Variants in PARD3B observed in about 807,000 individuals in gnomAD.
PARD3B encodes partitioning defective 3 homolog B.
A neutral mutation model predicts 130.2 loss-of-function variants in PARD3B; 103 were observed. The ratio of observed to expected loss-of-function variants is 0.79; its 90% confidence interval spans 0.67 to 0.93. PARD3B has a LOEUF of 0.93. Among genes scored for constraint, PARD3B ranks in the 40% least tolerant of loss-of-function variants. PARD3B has a pLI of 0.00. For missense variants in PARD3B, 1,609 were observed against 1,499.2 expected, an observed-to-expected ratio of 1.07 and a Z score of -1.21; for synonymous variants, 583 against 553.2, an observed-to-expected ratio of 1.05 and a Z score of -0.76.
intron 22 of PARD3B, among the ~76,000 whole-genome samples, chr2:205,607,879 C>CAG (rs1553560830): frequency 1.4e-5 from 2 of 147,428 alleles, no homozygotes; most frequent in Non-Finnish European, 3.0e-5. Context: ...CACACACACA[C>CAG]AGAGGCATGA....
intron 1 of PARD3B, among the ~76,000 whole-genome samples, chr2:204,609,138 G>C (rs1000919867): frequency 3.9e-5 from 6 of 152,196 alleles, no homozygotes; most frequent in Non-Finnish European, 8.8e-5. Flanking sequence ...TTTCTCAGTA[G>C]ATATTTGGAT....
chr2:205,300,676 A>G lies in PARD3B; in HGVS notation c.2332A>G (p.Asn778Asp), dbSNP rs954516454. The G allele has an allele frequency of 6.2e-7, 1 of 1,614,026 alleles. No homozygotes were observed. The highest frequency in any genetic ancestry group is 8.5e-7 in the Non-Finnish European group (1 of 1,180,010). The part of the protein sequence containing the change: ...RPHMVRGRGC[N>D]ESFRAAIDKS... ...GCACATGGTTCGAGGCCGAGGCTGC[A>G]ATGAGAGCTTTAGAGCAGCCATTGA... The change falls in exon 17 of 23, where the codon AAT becomes GAT. Residue 778 changes from asparagine (N) to aspartate (D), a missense_variant. Asn to Asp is a conservative substitution (Grantham distance 23). Transcript: ENST00000406610. This position sits in a 1 kb window ranked among gnomAD's most constrained non-coding sequence, Gnocchi z 4.1.
intron 2 of PARD3B, among the ~76,000 whole-genome samples, chr2:204,876,297 A>G (rs1302963777): frequency 2.0e-5 from 3 of 152,254 alleles, no homozygotes; most frequent in Non-Finnish European, 2.9e-5. Flanking sequence ...CTTCAACTGA[A>G]TCAACGCTTG....
chr2:204,826,534 A>C (rs1328326015), intron 2 of PARD3B, among the ~76,000 whole-genome samples: 1 of 152,174 alleles, frequency 6.6e-6, no homozygotes, highest in Non-Finnish European at 1.5e-5. Flanking sequence ...AGATATTCAG[A>C]TATTTATTGT....
At chr2:204,988,838 G>A (rs1419509471) in intron 3 of PARD3B, among the ~76,000 whole-genome samples, 1 of 152,186 alleles carries the variant, frequency 6.6e-6, no homozygotes, top group Non-Finnish European at 1.5e-5. Context: ...TAGGGTGACA[G>A]TTAAATGCTG....
At chr2:205,055,857 T>G in intron 4 of PARD3B, among the ~76,000 whole-genome samples, 1 of 152,152 alleles carries the variant, frequency 6.6e-6, no homozygotes, top group Non-Finnish European at 1.5e-5. Flanking sequence ...CAAGAAATAT[T>G]TTTTAAATGC....
chr2:205,366,357 C>T lies in PARD3B; in HGVS notation c.2631-34656C>T, dbSNP rs2044609823. Among the ~76,000 whole-genome samples the T allele has an allele frequency of 6.6e-6, 1 of 152,190 alleles. No homozygotes were observed. Among genetic ancestry groups the T allele is most frequent in the East Asian group, 1.9e-4 (1 of 5,182 alleles). On this transcript the variant is annotated intron_variant, in intron 18 of 22. Transcript: ENST00000406610. The surrounding 1 kb of genome is among the most constrained non-coding windows in gnomAD (Gnocchi z 5.0). ...CAGCTCTCAAATTTGCTGTGCAGTG[C>T]TTACATGGACAGAGGTAAAGAATTT...
chr2:204,618,677 G>T (rs578087303), intron 1 of PARD3B, among the ~76,000 whole-genome samples: 1 of 152,190 alleles, frequency 6.6e-6, no homozygotes, highest in Non-Finnish European at 1.5e-5. Flanking sequence ...ATTTATTAGT[G>T]TATTTCTTGC....
At chr2:205,331,151 C>A (rs2043109835) in intron 18 of PARD3B, among the ~76,000 whole-genome samples, 1 of 152,016 alleles carries the variant, frequency 6.6e-6, no homozygotes, top group African/African-American at 2.4e-5. Context: ...ACAGGGCAAA[C>A]ACAAGTTTAC....
intron 19 of PARD3B, among the ~76,000 whole-genome samples, chr2:205,425,606 G>A (rs1438659238): frequency 6.6e-6 from 1 of 151,222 alleles, no homozygotes; most frequent in Non-Finnish European, 1.5e-5. Flanking sequence ...TTGGTTCCAG[G>A]CCATGTAGGA....
At chr2:205,500,566 A>C (rs1405807431) in intron 21 of PARD3B, among the ~76,000 whole-genome samples, 2 of 152,146 alleles carry the variant, frequency 1.3e-5, no homozygotes, top group Non-Finnish European at 2.9e-5. Flanking sequence ...GGGAACAGAA[A>C]AGAATACAGT....
intron 21 of PARD3B, among the ~76,000 whole-genome samples, chr2:205,516,374 A>T (rs961058949): frequency 6.6e-6 from 1 of 152,110 alleles, no homozygotes; most frequent in Non-Finnish European, 1.5e-5. Flanking sequence ...AATGATACTG[A>T]TTCTTCCTAT....
intron 10 of PARD3B, among the ~76,000 whole-genome samples, chr2:205,151,521 C>A (rs1443948149): frequency 6.6e-6 from 1 of 152,148 alleles, no homozygotes; most frequent in Non-Finnish European, 1.5e-5. Flanking sequence ...ATGTAATGAC[C>A]TTCTTTGTCT....
rs189065968 is a variant in PARD3B, at chr2:205,229,337, C to T, written c.2141-16441C>T. ...TGAGTGTTGTGACCTTAATCTTCGG[C>T]CCCTGCAACCATAACTGCATTAGGG... On this transcript the variant is annotated intron_variant, in intron 15 of 22. Transcript: ENST00000406610. This position sits in a 1 kb window ranked among gnomAD's most constrained non-coding sequence, Gnocchi z 5.2. 1.9e-3 allele frequency among the ~76,000 whole-genome samples: 295 copies of T among 152,298 alleles called. 2 individuals carry two copies. Among genetic ancestry groups the T allele is most frequent in the African/African-American group, 6.8e-3 (283 of 41,574 alleles).
At chr2:205,442,423 C>T (rs143153682) in intron 20 of PARD3B, among the ~76,000 whole-genome samples, 2,390 of 151,610 alleles carry the variant, frequency 0.016, 33 homozygotes, top group Non-Finnish European at 0.02. Flanking sequence ...CTCAGCCTCC[C>T]GAGTGAGTAG....
At chr2:204,945,891 T>C (rs935164935) in intron 2 of PARD3B, among the ~76,000 whole-genome samples, 5 of 140,336 alleles carry the variant, frequency 3.6e-5, no homozygotes, top group East Asian at 1.9e-4. Context: ...TGCTAGTTGG[T>C]TGGCTTTTTG....
At chr2:204,622,298 C>T (rs983324406) in intron 1 of PARD3B, among the ~76,000 whole-genome samples, 8 of 152,172 alleles carry the variant, frequency 5.3e-5, no homozygotes, top group Non-Finnish European at 1.0e-4. Flanking sequence ...CCTGCTTCTT[C>T]CACAAAGCCC....
chr2:205,305,443 C>G (rs2042155484), intron 18 of PARD3B, among the ~76,000 whole-genome samples: 1 of 152,162 alleles, frequency 6.6e-6, no homozygotes, highest in Non-Finnish European at 1.5e-5. Context: ...GACATTCGTC[C>G]TGATGGCCTC....
At chr2:205,178,754 C>G (rs1459644281) in intron 13 of PARD3B, among the ~76,000 whole-genome samples, 1 of 152,130 alleles carries the variant, frequency 6.6e-6, no homozygotes, top group Non-Finnish European at 1.5e-5. Context: ...TTTTTAATGT[C>G]TATAAAATAC....
Sources: gnomAD v4.1 joint callset for allele counts (sites outside exome capture counted in the v4.1 genomes callset) on GRCh38, gnomAD v4.1.1 for gene constraint, Gnocchi (gnomAD v3.1) non-coding constraint, MANE v1.5 for transcripts, NCBI Gene and HGNC (gene_info 2026-07-23, HGNC 2026-07-21) for gene names.